The following STMND1 variants were observed in gnomAD, a reference collection of about 807,000 sequenced individuals.
STMND1 encodes the protein stathmin domain containing 1.
STMND1 carries 17 observed loss-of-function variants against 23.0 expected under a neutral mutation model. That is an observed-to-expected ratio of 0.74 (90% confidence interval 0.51 to 1.11). The LOEUF is 1.11. Among genes scored for constraint, STMND1 ranks in the 50% least tolerant of loss-of-function variants. The probability of loss-of-function intolerance (pLI) is 0.00; values close to 1 mark genes in which losing one functional copy is unlikely to be tolerated. For synonymous variants in STMND1, 114 were observed against 119.9 expected (o/e 0.95, Z 0.32); for missense variants, 305 against 329.1 (o/e 0.93, Z 0.57).
chr6:17,111,550 T>C (rs1761097079), intron 1 of STMND1, among the ~76,000 whole-genome samples: 1 of 152,326 alleles, frequency 6.6e-6, no homozygotes, highest in South Asian at 2.1e-4. Flanking sequence ...CATCATCAGA[T>C]AAGTAGCTAC....
intron 3 of STMND1, chr6:17,128,457 C>G (rs1761337205): frequency 6.6e-6 from 1 of 152,228 alleles, no homozygotes; most frequent in African/African-American, 2.4e-5. Flanking sequence ...TTGAACTCTT[C>G]ACCTTAAACT....
intron 1 of STMND1, among the ~76,000 whole-genome samples, chr6:17,109,177 G>A (rs1761066660): frequency 1.3e-5 from 2 of 152,114 alleles, no homozygotes; most frequent in Non-Finnish European, 2.9e-5. Flanking sequence ...TTCTCTTTGT[G>A]CCAATTCCCA....
intron 2 of STMND1, among the ~76,000 whole-genome samples, chr6:17,115,372 T>TAAAAAAAAAAAAAAAAAAAAAAAA (rs75171969): frequency 8.6e-6 from 1 of 116,102 alleles, no homozygotes; most frequent in African/African-American, 3.3e-5. Flanking sequence ...GGACCATCTT[T>TAAAAAAAAAAAAAAAAAAAAAAAA]AAAAAAAAAA....
At chr6:17,118,194 C>T (rs1761184695) in intron 2 of STMND1, among the ~76,000 whole-genome samples, 1 of 152,076 alleles carries the variant, frequency 6.6e-6, no homozygotes, top group South Asian at 2.1e-4. Flanking sequence ...GATAAATTCA[C>T]CCGTGTTTTC....
chr6:17,120,569 A>G (rs1181749542), intron 2 of STMND1, 38 bp from the exon 3 acceptor site: 2 of 1,437,848 alleles, frequency 1.4e-6, no homozygotes, highest in African/African-American at 2.9e-5. Flanking sequence ...TTCATTCTTA[A>G]ATTTTGCTTT....
intron 2 of STMND1, among the ~76,000 whole-genome samples, chr6:17,119,800 A>C (rs1185563496): frequency 1.3e-5 from 2 of 152,218 alleles, no homozygotes; most frequent in East Asian, 3.8e-4. Flanking sequence ...TCAGCATAGA[A>C]GATAGCTCAT....
chr6:17,120,128 T>C (rs996010330), intron 2 of STMND1, among the ~76,000 whole-genome samples: 2 of 152,236 alleles, frequency 1.3e-5, no homozygotes, highest in African/African-American at 4.8e-5. Context: ...ACTTAGCAGA[T>C]GGCGTAATTA....
intron 1 of STMND1, 110 bp downstream of exon 1, chr6:17,102,448 G>A: frequency 1.5e-6 from 2 of 1,333,524 alleles, no homozygotes; most frequent in Non-Finnish European, 2.0e-6. Flanking sequence ...GAGCAGGGTC[G>A]GTCGAGGCTA....
chr6:17,125,477 A>G (rs1452756400), intron 3 of STMND1, among the ~76,000 whole-genome samples: 3 of 152,112 alleles, frequency 2.0e-5, no homozygotes, highest in Non-Finnish European at 4.4e-5. Context: ...TGAATTCACT[A>G]TTGACCTCTG....
At chr6:17,127,100 A>T (rs575545986) in intron 3 of STMND1, among the ~76,000 whole-genome samples, 1 of 152,376 alleles carries the variant, frequency 6.6e-6, no homozygotes, top group East Asian at 1.9e-4. Flanking sequence ...CTTTGGAAGA[A>T]GTCACTGCTT....
chr6:17,118,250 A>G (rs1029404168), intron 2 of STMND1, among the ~76,000 whole-genome samples: 4 of 152,168 alleles, frequency 2.6e-5, no homozygotes, highest in African/African-American at 9.7e-5. Context: ...AGAGTTTCCA[A>G]TGACATCAGA....
intron 1 of STMND1, among the ~76,000 whole-genome samples, chr6:17,112,062 T>G (rs1314858108): frequency 6.6e-6 from 1 of 152,200 alleles, no homozygotes; most frequent in African/African-American, 2.4e-5. Flanking sequence ...CCATTTAAAA[T>G]GTACAATTGA....
chr6:17,122,258 GT>G lies in STMND1; in HGVS notation c.411+1509del, dbSNP rs920565670. On this transcript the variant is annotated intron_variant, in intron 3 of 4. Coordinates refer to ENST00000536551, the MANE Select transcript of STMND1 (RefSeq NM_001190766.2). ...TTGTTTTGTTTTCTTGTTTGTTTGG[GT>G]TTTTTTTTAAGCCAATGCTCCCAAG... Among the ~76,000 whole-genome samples the G allele has an allele frequency of 3.3e-4, 49 of 150,564 alleles. No individual in the cohort carries two copies. The Middle Eastern group carries it at 0.014, about 42-fold the overall frequency.
intron 1 of STMND1, among the ~76,000 whole-genome samples, chr6:17,111,846 G>A (rs981431313): frequency 3.3e-5 from 5 of 152,178 alleles, no homozygotes; most frequent in Non-Finnish European, 7.3e-5. Context: ...TGATTATCTG[G>A]TGAGGGCTGC....
At chr6:17,121,301 G>T (rs1229401581) in intron 3 of STMND1, among the ~76,000 whole-genome samples, 1 of 152,166 alleles carries the variant, frequency 6.6e-6, no homozygotes, top group Non-Finnish European at 1.5e-5. Context: ...TGTGGACTCA[G>T]AAATTGCTCC....
intron 2 of STMND1, among the ~76,000 whole-genome samples, chr6:17,115,372 TAAAA>T (rs75171969): frequency 6.5e-4 from 76 of 116,096 alleles, no homozygotes; most frequent in African/African-American, 2.3e-3. Flanking sequence ...GGACCATCTT[TAAAA>T]AAAAAAAAAA....
At chr6:17,102,879 C>G (rs932321814) in intron 1 of STMND1, among the ~76,000 whole-genome samples, 1 of 152,142 alleles carries the variant, frequency 6.6e-6, no homozygotes, top group Non-Finnish European at 1.5e-5. Flanking sequence ...GCGACTTGTC[C>G]GAGGCTGCAC....
chr6:17,128,932 C>T, intron 3 of STMND1, 180 bp from the exon 4 acceptor site: 1 of 465,864 alleles, frequency 2.1e-6, no homozygotes, highest in Non-Finnish European at 3.7e-6. Context: ...AGGCTGGCCT[C>T]AAACTCCGGA....
chr6:17,120,616 C>T lies in STMND1; in HGVS notation c.269C>T (p.Thr90Ile). The change falls in exon 3 of 5, where the codon ACC (threonine) becomes ATC (isoleucine). Residue 90 changes from threonine to isoleucine, a missense_variant. Physicochemically the swap from Thr to Ile is moderately conservative, Grantham distance 89 (BLOSUM62 -1). Coordinates refer to ENST00000536551, the MANE Select transcript of STMND1 (RefSeq NM_001190766.2). ...RNRRVNSDLV[T>I]NGLINKPQSL... ...TCTTCTTTTTTGGAAGACCTAGTGACCAATGGATTAATCAATAAACCCCAA... is the reference window on the plus strand; with the variant it reads ...TCTTCTTTTTTGGAAGACCTAGTGATCAATGGATTAATCAATAAACCCCAA... 4 of 1,507,682 alleles carry T rather than the reference C, an allele frequency of 2.7e-6. No individual in the cohort carries two copies. Among genetic ancestry groups the T allele is most frequent in the Non-Finnish European group, 3.5e-6 (4 of 1,136,908 alleles). 93.4% of individuals were successfully genotyped at this position (1,507,682 alleles called of 1,614,324 possible). A position where few individuals can be genotyped will look rare whatever the true frequency, so the allele number is the denominator to read the frequency against.
Sources: gnomAD v4.1 joint callset for allele counts (sites outside exome capture counted in the v4.1 genomes callset) on GRCh38, gnomAD v4.1.1 for gene constraint, MANE v1.5 for transcripts, NCBI Gene and HGNC (gene_info 2026-07-23, HGNC 2026-07-21) for gene names.